SCAND3: variants seen among roughly 807,000 people sequenced by gnomAD.
SCAND3 encodes SCAN domain-containing protein 3.
At chr6:28,614,404 G>A in the SCAND3 span, among the ~76,000 whole-genome samples, 2 of 152,106 alleles carry the variant, frequency 1.3e-5, no homozygotes, top group Non-Finnish European at 2.9e-5. Flanking sequence ...CATCTAGATA[G>A]GCTAGATGTT....
the SCAND3 span, among the ~76,000 whole-genome samples, chr6:28,610,952 T>C: frequency 6.6e-6 from 1 of 152,110 alleles, no homozygotes; most frequent in Non-Finnish European, 1.5e-5. Context: ...AAATAAAACA[T>C]AAAGCAACTG....
At chr6:28,591,320 CT>C in the SCAND3 span, 4 of 152,182 alleles carry the variant, frequency 2.6e-5, no homozygotes, top group Admixed American at 6.5e-5. Context: ...GATGCTCCCC[CT>C]GATGCCTTAC....
the SCAND3 span, among the ~76,000 whole-genome samples, chr6:28,596,721 A>G: frequency 1.3e-5 from 2 of 152,218 alleles, no homozygotes; most frequent in African/African-American, 2.4e-5. Context: ...ATCTTTAGAC[A>G]TAACTGGGAA....
chr6:28,574,244 A>C, the SCAND3 span, among the ~76,000 whole-genome samples: 1 of 152,128 alleles, frequency 6.6e-6, no homozygotes, highest in African/African-American at 2.4e-5. Context: ...TATGGACTGG[A>C]GTTTTTATAC....
the SCAND3 span, among the ~76,000 whole-genome samples, chr6:28,599,499 G>T: frequency 6.6e-6 from 1 of 152,194 alleles, no homozygotes; most frequent in East Asian, 1.9e-4. Context: ...TTGAAAGGGA[G>T]CTTGTGGGAG....
chr6:28,579,537 T>C, the SCAND3 span: 58 of 940,896 alleles, frequency 6.2e-5, no homozygotes, highest in African/African-American at 9.5e-4. This position sits in a 1 kb window ranked among gnomAD's most constrained non-coding sequence, Gnocchi z 4.5. Flanking sequence ...TACTGAATTC[T>C]TAAGTACAAG....
the SCAND3 span, among the ~76,000 whole-genome samples, chr6:28,607,323 T>C: frequency 6.6e-6 from 1 of 152,106 alleles, no homozygotes; most frequent in Non-Finnish European, 1.5e-5. Flanking sequence ...ATTCATTCAA[T>C]TTTCTGCTTG....
At chr6:28,585,416 G>A in the SCAND3 span, 1 of 152,190 alleles carries the variant, frequency 6.6e-6, no homozygotes, top group Non-Finnish European at 1.5e-5. Flanking sequence ...TGGGAATTAT[G>A]TACAGTACTG....
the SCAND3 span, among the ~76,000 whole-genome samples, chr6:28,602,931 A>AC: frequency 2.7e-5 from 4 of 149,236 alleles, no homozygotes; most frequent in Non-Finnish European, 6.0e-5. Flanking sequence ...TTTGGGATTT[A>AC]CCCATTTATA....
At chr6:28,586,019 G>A in the SCAND3 span, among the ~76,000 whole-genome samples, 20 of 152,074 alleles carry the variant, frequency 1.3e-4, no homozygotes, top group African/African-American at 3.9e-4. This position sits in a 1 kb window ranked among gnomAD's most constrained non-coding sequence, Gnocchi z 4.4. Flanking sequence ...ATTTACTATT[G>A]TATATTTCTT....
chr6:28,594,060 C>T, the SCAND3 span, among the ~76,000 whole-genome samples: 1 of 152,004 alleles, frequency 6.6e-6, no homozygotes, highest in African/African-American at 2.4e-5. Context: ...TTATAAAAGC[C>T]GGGTTTTATC....
At chr6:28,592,850 T>A in the SCAND3 span, among the ~76,000 whole-genome samples, 1 of 152,176 alleles carries the variant, frequency 6.6e-6, no homozygotes, top group Admixed American at 6.5e-5. The surrounding 1 kb of genome is among the most constrained non-coding windows in gnomAD (Gnocchi z 4.1). Flanking sequence ...ATGGGAAAAC[T>A]GGTTATCCAC....
At chr6:28,572,803 A>G in the SCAND3 span, 1 of 1,612,356 alleles carries the variant, frequency 6.2e-7, no homozygotes, top group East Asian at 2.2e-5. This position sits in a 1 kb window ranked among gnomAD's most constrained non-coding sequence, Gnocchi z 4.1. Context: ...ATTAGATTTT[A>G]TATAATTCAC....
At chr6:28,582,348 C>T in the SCAND3 span, among the ~76,000 whole-genome samples, 1 of 151,862 alleles carries the variant, frequency 6.6e-6, no homozygotes, top group Non-Finnish European at 1.5e-5. The surrounding 1 kb of genome is among the most constrained non-coding windows in gnomAD (Gnocchi z 4.8). Context: ...CCAGGGAAGC[C>T]AAAAGATTGG....
At chr6:28,574,821 T>G in the SCAND3 span, 3 of 1,613,998 alleles carry the variant, frequency 1.9e-6, no homozygotes, top group Admixed American at 3.3e-5. Context: ...GAGAGGGCAC[T>G]CCACAAATTG....
the SCAND3 span, among the ~76,000 whole-genome samples, chr6:28,613,334 T>G: frequency 6.6e-6 from 1 of 152,214 alleles, no homozygotes; most frequent in Non-Finnish European, 1.5e-5. Flanking sequence ...CCCATCAGTC[T>G]TTAAAAGCTA....
At chr6:28,598,182 C>A in the SCAND3 span, among the ~76,000 whole-genome samples, 3 of 152,146 alleles carry the variant, frequency 2.0e-5, no homozygotes, top group Admixed American at 6.5e-5. Flanking sequence ...CACCGTGTGA[C>A]CTGGGCGGGC....
At chr6:28,602,444 G>A in the SCAND3 span, among the ~76,000 whole-genome samples, 1 of 152,168 alleles carries the variant, frequency 6.6e-6, no homozygotes, top group African/African-American at 2.4e-5. Flanking sequence ...CTGAGTTCAG[G>A]TGATTTGCCC....
chr6:28,607,207 G>C, the SCAND3 span, among the ~76,000 whole-genome samples: 2 of 152,166 alleles, frequency 1.3e-5, no homozygotes, highest in Non-Finnish European at 2.9e-5. Flanking sequence ...GAGGTCCCGG[G>C]TTCAATCCCC....
Sources: allele counts gnomAD v4.1 joint callset (sites outside exome capture counted in the v4.1 genomes callset), GRCh38; gene constraint gnomAD v4.1.1; non-coding constraint Gnocchi (gnomAD v3.1); transcripts MANE v1.5; gene names NCBI Gene and HGNC (gene_info 2026-07-23, HGNC 2026-07-21).